TMEM171: variants seen among roughly 807,000 people sequenced by gnomAD.
TMEM171 encodes the protein transmembrane protein 171.
TMEM171 carries 16 observed loss-of-function variants against 19.1 expected under a neutral mutation model. The ratio of observed to expected loss-of-function variants is 0.84; its 90% CI spans 0.57 to 1.27. TMEM171 has a LOEUF of 1.27. TMEM171 is among the 50% of genes most tolerant of loss of function. The pLI, the probability that TMEM171 is intolerant of heterozygous loss-of-function variation, is 0.00. For synonymous variants in TMEM171, 153 were observed against 163.4 expected (o/e 0.94, Z 0.48); for missense variants, 429 against 412.7 (o/e 1.04, Z -0.34).
chr5:73,127,299 C>T (rs1744184410), intron 2 of TMEM171, among the ~76,000 whole-genome samples: 1 of 148,616 alleles, frequency 6.7e-6, no homozygotes, highest in South Asian at 2.1e-4. Context: ...AAAATATAGA[C>T]CTGCTTTCAT....
chr5:73,131,327 G>A (rs962331742), intron 3 of TMEM171, among the ~76,000 whole-genome samples: 5 of 152,080 alleles, frequency 3.3e-5, no homozygotes, highest in African/African-American at 1.2e-4. Flanking sequence ...GCAGGAGTGA[G>A]ACTGTCTTAA....
intron 1 of TMEM171, among the ~76,000 whole-genome samples, chr5:73,122,219 A>G (rs1404696583): frequency 1.3e-5 from 2 of 151,920 alleles, no homozygotes; most frequent in Non-Finnish European, 2.9e-5. Flanking sequence ...CTGAGTCTCA[A>G]CCTCTTTGTG....
chr5:73,121,119 AGAGT>A (rs1435145112), intron 1 of TMEM171, among the ~76,000 whole-genome samples: 2 of 152,194 alleles, frequency 1.3e-5, no homozygotes, highest in South Asian at 2.1e-4. Context: ...GGAGAGAGAG[AGAGT>A]ATTTCCACAC....
Position 73,123,605 on chromosome 5 carries a change from C to T in TMEM171, c.232C>T (p.Arg78Cys), listed in dbSNP as rs765278051. Residue 78 changes from arginine to cysteine, a missense_variant, in exon 2 of 4, where the codon CGC becomes TGC. By Grantham distance (180) the Arg-to-Cys change is radical (BLOSUM62 -3). Coordinates refer to ENST00000454765, the MANE Select transcript of TMEM171 (RefSeq NM_173490.8). The part of the protein sequence containing the change: ...VVGLGAVILA[R>C]SRAQLQLRAG... ...TGGGCTTGGGGCTGTGATCCTGGCC[C>T]GCTCCCGGGCGCAACTTCAGCTCCG... 3.5e-5 allele frequency: 56 copies of T among 1,614,096 alleles called. No homozygotes were observed. The highest frequency in any genetic ancestry group is 4.1e-5 in the Non-Finnish European group (48 of 1,180,044).
At position 73,122,701 on chromosome 5, in the gene TMEM171, A is replaced by G. The variant is rs571099370; in HGVS notation, c.-68-605A>G. On this transcript the variant is annotated intron_variant, in intron 1 of 3. Transcript: ENST00000454765. ...GGCGCAAGCCACCACGCCTGGCCTCAAGAACCACATTTTGATAGAATCAAC... is the reference window on the plus strand; with the variant it reads ...GGCGCAAGCCACCACGCCTGGCCTCGAGAACCACATTTTGATAGAATCAAC... Among the ~76,000 whole-genome samples, 35 of 152,340 alleles carry G rather than the reference A, an allele frequency of 2.3e-4. 1 individual carries two copies. In the South Asian group the frequency reaches 6.8e-3, roughly 30 times the overall value.
chr5:73,130,710 T>G (rs1463603488), intron 3 of TMEM171, among the ~76,000 whole-genome samples: 1 of 152,014 alleles, frequency 6.6e-6, no homozygotes, highest in Non-Finnish European at 1.5e-5. Context: ...CAGCTTCATA[T>G]GGGGTCGTGA....
intron 1 of TMEM171, among the ~76,000 whole-genome samples, chr5:73,122,382 G>T (rs1295316848): frequency 2.0e-5 from 3 of 152,190 alleles, no homozygotes; most frequent in African/African-American, 7.2e-5. Flanking sequence ...GTCTGTGCTT[G>T]TTGAGAACCC....
chr5:73,128,535 A>G lies in TMEM171; in HGVS notation c.782+4A>G. 1 of 1,613,888 alleles carries G rather than the reference A, an allele frequency of 6.2e-7. No individual in the cohort carries two copies. Among genetic ancestry groups the G allele is most frequent in the Non-Finnish European group, 8.5e-7 (1 of 1,179,802 alleles). Reference sequence around the variant, plus strand: ...ATTACAGTATTTTCAACTATGGGTAAGAATTTCAATTTGAACTTCAAGAGA... The same window carrying G: ...ATTACAGTATTTTCAACTATGGGTAGGAATTTCAATTTGAACTTCAAGAGA... On this transcript the variant is annotated splice_donor_region_variant and intron_variant, in intron 3 of 3. Transcript: ENST00000454765.
At position 73,131,634 on chromosome 5, in the gene TMEM171, TCCA is replaced by T. The variant is rs1194426250; in HGVS notation, c.881_883del (p.Pro294del). 6.2e-7 allele frequency: 1 copy of T among 1,613,908 alleles called. No individual in the cohort carries two copies. On this transcript the variant is annotated inframe_deletion, in exon 4 of 4. Coordinates refer to ENST00000454765, the MANE Select transcript of TMEM171 (RefSeq NM_173490.8). ...ATTCATCTTCTGAGGCCTCACACAC[TCCA>T]CATCTTCCATCTGAATTGCCTCCTA... is the stretch of plus-strand genomic sequence containing the variant.
intron 2 of TMEM171, among the ~76,000 whole-genome samples, chr5:73,127,222 C>A (rs1744182833): frequency 6.6e-6 from 1 of 151,546 alleles, no homozygotes; most frequent in Non-Finnish European, 1.5e-5. Flanking sequence ...GCAGTAGACA[C>A]CCCAGAGGAG....
chr5:73,130,950 A>C (rs1744338525), intron 3 of TMEM171, among the ~76,000 whole-genome samples: 1 of 152,124 alleles, frequency 6.6e-6, no homozygotes, highest in African/African-American at 2.4e-5. Context: ...TGTAACTCCC[A>C]TATCCAGTCT....
At chr5:73,127,369 T>TAAAAAAAA (rs150651292) in intron 2 of TMEM171, among the ~76,000 whole-genome samples, 50 of 97,172 alleles carry the variant, frequency 5.1e-4, no homozygotes, top group East Asian at 2.3e-3. Flanking sequence ...AAATTTGTGG[T>TAAAAAAAA]AAAAAAAAAA....
chr5:73,125,697 G>A (rs1232080112), intron 2 of TMEM171, among the ~76,000 whole-genome samples: 1 of 152,184 alleles, frequency 6.6e-6, no homozygotes, highest in Non-Finnish European at 1.5e-5. Flanking sequence ...ACGGTTCGAG[G>A]GGAGTTTTGG....
chr5:73,129,893 T>C (rs1332032619), intron 3 of TMEM171, among the ~76,000 whole-genome samples: 6 of 152,146 alleles, frequency 3.9e-5, no homozygotes, highest in Non-Finnish European at 8.8e-5. Flanking sequence ...CCGCAGAGAA[T>C]ATCAGGTCAA....
chr5:73,121,428 G>A (rs147565491), intron 1 of TMEM171, among the ~76,000 whole-genome samples: 1 of 152,238 alleles, frequency 6.6e-6, no homozygotes, highest in East Asian at 1.9e-4. Context: ...AATATATATA[G>A]GTTTCAGGAC....
In TMEM171 at chr5:73,129,261, T is replaced by C. The variant is rs187042291; in HGVS notation, c.782+730T>C. On this transcript the variant is annotated intron_variant, in intron 3 of 3. Coordinates refer to ENST00000454765, the MANE Select transcript of TMEM171 (RefSeq NM_173490.8). ...CCCCTAGAGGTTTCCCATTGGCCAC[T>C]TTGTGTTCACCTCATGTAAATGAAG... Among the ~76,000 whole-genome samples the C allele has an allele frequency of 9.9e-5, 15 of 152,196 alleles. 1 individual carries two copies. In the South Asian group the frequency reaches 3.1e-3, roughly 32 times the overall value.
chr5:73,123,229 G>A, intron 1 of TMEM171, 77 bp from the exon 2 acceptor site: 1 of 1,331,612 alleles, frequency 7.5e-7, no homozygotes, highest in Non-Finnish European at 1.0e-6. Flanking sequence ...TGTGATTTCA[G>A]AAATGATCAG....
At position 73,121,567 on chromosome 5, in the gene TMEM171, AT is replaced by A. The variant is rs374874740; in HGVS notation, c.-69+873del. Among the ~76,000 whole-genome samples, 554 of 152,364 alleles carry A rather than the reference AT, an allele frequency of 3.6e-3. 5 individuals carry two copies. The highest frequency in any genetic ancestry group is 0.012 in the African/African-American group (514 of 41,584). Reference sequence around the variant, plus strand: ...TACTGACTTAATAAAAAATGGGAAGATTAAAAAATTAGTGCAATGCTTTGTC... The same window carrying A: ...TACTGACTTAATAAAAAATGGGAAGATAAAAAATTAGTGCAATGCTTTGTC... On this transcript the variant is annotated intron_variant, in intron 1 of 3. Coordinates refer to ENST00000454765, the MANE Select transcript of TMEM171 (RefSeq NM_173490.8).
intron 3 of TMEM171, among the ~76,000 whole-genome samples, chr5:73,129,479 A>G (rs1421178787): frequency 6.6e-6 from 1 of 152,184 alleles, no homozygotes; most frequent in Non-Finnish European, 1.5e-5. Context: ...TTTGTTACTC[A>G]GGGGTGGAAA....
Sources: allele counts gnomAD v4.1 joint callset (sites outside exome capture counted in the v4.1 genomes callset), GRCh38; gene constraint gnomAD v4.1.1; transcripts MANE v1.5; gene names NCBI Gene and HGNC (gene_info 2026-07-23, HGNC 2026-07-21).